Variants in NTM observed in about 807,000 individuals in gnomAD.
NTM encodes IgLON family member 2.
A neutral mutation model predicts 42.1 loss-of-function variants in NTM; 13 were observed. The observed-to-expected ratio is 0.31, with a 90% CI of 0.20 to 0.49. The LOEUF (loss-of-function observed/expected upper bound fraction) is 0.49, where lower values mean the gene tolerates loss of function less well. Ranked by LOEUF, NTM falls within the 20% of genes least tolerant of loss-of-function variation. The pLI is 0.99. For missense variants in NTM, 373 were observed against 452.8 expected, an observed-to-expected ratio of 0.82 and a Z score of 1.60; for synonymous variants, 187 against 179.2, an observed-to-expected ratio of 1.04 and a Z score of -0.35.
intron 2 of NTM, among the ~76,000 whole-genome samples, chr11:131,975,043 G>A (rs1338860958): frequency 6.6e-6 from 1 of 152,174 alleles, no homozygotes; most frequent in African/African-American, 2.4e-5. Context: ...TCTTAGTGGA[G>A]TTCTTCAGAC....
intron 1 of NTM, among the ~76,000 whole-genome samples, chr11:131,455,716 C>CA (rs1489100928): frequency 6.6e-6 from 1 of 152,162 alleles, no homozygotes; most frequent in Non-Finnish European, 1.5e-5. Context: ...AGTTCTGAAG[C>CA]AAAGCAGCTC....
chr11:132,017,181 T>C (rs80016825), intron 2 of NTM, among the ~76,000 whole-genome samples: 7,533 of 152,082 alleles, frequency 0.05, 263 homozygotes, highest in Non-Finnish European at 0.074. Context: ...CTTTTACAGA[T>C]ATTTTTTACT....
intron 1 of NTM, among the ~76,000 whole-genome samples, chr11:131,693,113 G>T (rs955437849): frequency 6.6e-6 from 1 of 152,134 alleles, no homozygotes; most frequent in Non-Finnish European, 1.5e-5. Flanking sequence ...GCCTTGCAGG[G>T]AATCACTGTG....
At chr11:131,981,817 C>A in intron 2 of NTM, among the ~76,000 whole-genome samples, 1 of 151,938 alleles carries the variant, frequency 6.6e-6, no homozygotes, top group East Asian at 1.9e-4. Flanking sequence ...TCAAGACCAG[C>A]GTGGTCAACA....
intron 4 of NTM, among the ~76,000 whole-genome samples, chr11:132,300,520 CA>C (rs1178011542): frequency 1.3e-5 from 2 of 152,182 alleles, no homozygotes; most frequent in Non-Finnish European, 2.9e-5. Context: ...CAGCTGCTAT[CA>C]ACTCTTCAAC....
At chr11:131,555,173 C>T (rs1470705375) in intron 1 of NTM, among the ~76,000 whole-genome samples, 2 of 152,088 alleles carry the variant, frequency 1.3e-5, no homozygotes, top group South Asian at 2.1e-4. Context: ...AAAACAAAAA[C>T]CAAAAAACAA....
intron 2 of NTM, among the ~76,000 whole-genome samples, chr11:132,026,296 T>C (rs1419984814): frequency 6.6e-6 from 1 of 152,198 alleles, no homozygotes; most frequent in Non-Finnish European, 1.5e-5. Context: ...GATCAGGAAG[T>C]CTTGCTAAGC....
chr11:131,792,624 A>G (rs983215093), intron 1 of NTM, among the ~76,000 whole-genome samples: 1 of 152,094 alleles, frequency 6.6e-6, no homozygotes, highest in African/African-American at 2.4e-5. Context: ...CACCACCCCC[A>G]ACCTCATTGC....
At chr11:131,887,217 C>T (rs551386536) in intron 1 of NTM, among the ~76,000 whole-genome samples, 106 of 152,326 alleles carry the variant, frequency 7.0e-4, no homozygotes, top group African/African-American at 2.4e-3. Flanking sequence ...GCAATCACTT[C>T]ACAATGCATA....
At position 131,783,771 on chromosome 11, in the gene NTM, A is replaced by G. The variant is rs780180181; in HGVS notation, c.83-127793A>G. ...GAAGGCAAAAAGGACAAACTGAAGA[A>G]GAAAACTTAAGCAGTTAAACCTCAT... On this transcript the variant is annotated intron_variant, in intron 1 of 8. Coordinates refer to ENST00000683400, the MANE Select transcript of NTM (RefSeq NM_001352005.2). Among the ~76,000 whole-genome samples the G allele has an allele frequency of 8.7e-4, 133 of 152,316 alleles. 1 individual carries two copies. The highest frequency in any genetic ancestry group is 1.7e-3 in the Non-Finnish European group (118 of 68,006).
At chr11:131,984,282 G>A (rs1415869564) in intron 2 of NTM, among the ~76,000 whole-genome samples, 1 of 152,164 alleles carries the variant, frequency 6.6e-6, no homozygotes, top group Non-Finnish European at 1.5e-5. Flanking sequence ...ACGTATAACT[G>A]AAAAGATTGC....
intron 3 of NTM, among the ~76,000 whole-genome samples, chr11:132,164,302 G>A (rs1330956493): frequency 6.6e-6 from 1 of 152,074 alleles, no homozygotes. Context: ...TTCTTGTTAG[G>A]TGATAACATG....
At chr11:131,918,063 G>A (rs968123123) in intron 2 of NTM, among the ~76,000 whole-genome samples, 3 of 152,120 alleles carry the variant, frequency 2.0e-5, no homozygotes, top group Non-Finnish European at 4.4e-5. Context: ...AATGCATTGC[G>A]TTCTTGAATT....
chr11:131,824,968 T>A (rs778088004), intron 1 of NTM, among the ~76,000 whole-genome samples: 173 of 152,282 alleles, frequency 1.1e-3, no homozygotes, highest in Non-Finnish European at 2.1e-3. Flanking sequence ...GCTGCTGTAG[T>A]AAAGTATTGC....
intron 1 of NTM, among the ~76,000 whole-genome samples, chr11:131,408,263 T>C (rs1946025210): frequency 6.6e-6 from 1 of 152,144 alleles, no homozygotes; most frequent in Non-Finnish European, 1.5e-5. Context: ...GTTTGCAAAA[T>C]ATTTGCTGAG....
chr11:132,065,792 G>A (rs1422440162), intron 2 of NTM, among the ~76,000 whole-genome samples: 6 of 152,156 alleles, frequency 3.9e-5, no homozygotes, highest in African/African-American at 7.2e-5. Context: ...TTAGTTCATC[G>A]TAACAATTGG....
At chr11:131,520,087 GTC>G (rs998533553) in intron 1 of NTM, among the ~76,000 whole-genome samples, 17 of 152,326 alleles carry the variant, frequency 1.1e-4, no homozygotes, top group African/African-American at 4.1e-4. Flanking sequence ...GGTGAATAGA[GTC>G]TTCAACTTCT....
At chr11:131,994,514 CATT>C (rs1320963729) in intron 2 of NTM, among the ~76,000 whole-genome samples, 2 of 152,174 alleles carry the variant, frequency 1.3e-5, no homozygotes, top group Admixed American at 1.3e-4. Context: ...CAAGTGGTAT[CATT>C]AGAAGGTGCA....
chr11:132,213,692 G>A (rs905315867), intron 4 of NTM, among the ~76,000 whole-genome samples: 5 of 151,626 alleles, frequency 3.3e-5, no homozygotes, highest in African/African-American at 1.2e-4. Context: ...TCAGTTGTGT[G>A]TGGCCTGAAT....
Sources: gnomAD v4.1 joint callset for allele counts (sites outside exome capture counted in the v4.1 genomes callset) on GRCh38, gnomAD v4.1.1 for gene constraint, MANE v1.5 for transcripts, NCBI Gene and HGNC (gene_info 2026-07-23, HGNC 2026-07-21) for gene names.